Variants in RNF144A observed in about 807,000 individuals in gnomAD.
RNF144A encodes ring finger protein 144A.
Under a neutral mutation model 38.7 loss-of-function variants are expected in RNF144A, and 11 were observed. The ratio of observed to expected loss-of-function variants is 0.28; its 90% confidence interval spans 0.18 to 0.47. RNF144A has a LOEUF of 0.47. Among genes scored for constraint, RNF144A ranks in the 20% least tolerant of loss-of-function variants. The probability of loss-of-function intolerance (pLI) is 0.99; values close to 1 mark genes in which losing one functional copy is unlikely to be tolerated. For synonymous variants in RNF144A, 149 were observed against 143.9 expected (o/e 1.04, Z -0.25); for missense variants, 316 against 377.2 (o/e 0.84, Z 1.34).
At chr2:7,011,282 G>A (rs891914463) in intron 3 of RNF144A, among the ~76,000 whole-genome samples, 11 of 152,182 alleles carry the variant, frequency 7.2e-5, no homozygotes, top group Non-Finnish European at 2.9e-5. Flanking sequence ...GGCACCTAAA[G>A]TCTACTCACT....
rs1434290962 is a variant in RNF144A, at chr2:6,917,680, G to A, written c.-212+58G>A. ...TCGCCCGGGCCGGCCGCGGAGCGGG[G>A]AGGGCGGGACGCGGCGCTGCGCGGC... On this transcript the variant is annotated intron_variant, in intron 1 of 8. Transcript: ENST00000320892. This position sits in a 1 kb window ranked among gnomAD's most constrained non-coding sequence, Gnocchi z 4.8. The A allele has an allele frequency of 6.8e-6, 1 of 148,036 alleles. No individual in the cohort carries two copies. Among genetic ancestry groups the A allele is most frequent in the East Asian group, 2.0e-4 (1 of 5,102 alleles). The allele number at this position is 148,036 out of a possible 1,614,324, so 9.2% of individuals were successfully genotyped here.
At chr2:6,928,941 C>T (rs1665048998) in intron 1 of RNF144A, among the ~76,000 whole-genome samples, 1 of 152,184 alleles carries the variant, frequency 6.6e-6, no homozygotes, top group Non-Finnish European at 1.5e-5. Context: ...CCTGTCAGTT[C>T]CCTGAGCAGC....
chr2:7,075,940 C>T, the RNF144A span, among the ~76,000 whole-genome samples: 1 of 152,204 alleles, frequency 6.6e-6, no homozygotes, highest in Non-Finnish European at 1.5e-5. Flanking sequence ...GTGTTTCTTA[C>T]TGTACTTTGT....
At chr2:6,955,708 G>T (rs1427609396) in intron 2 of RNF144A, among the ~76,000 whole-genome samples, 1 of 152,102 alleles carries the variant, frequency 6.6e-6, no homozygotes, top group Non-Finnish European at 1.5e-5. Context: ...CCTGCTCCTG[G>T]CTTTGTTGGT....
intron 2 of RNF144A, among the ~76,000 whole-genome samples, chr2:6,964,297 A>G (rs1039407752): frequency 6.6e-6 from 1 of 152,208 alleles, no homozygotes; most frequent in South Asian, 2.1e-4. Context: ...TTAGAATGGC[A>G]ATCATTAAAA....
At chr2:7,075,096 T>TGTGGATG in the RNF144A span, among the ~76,000 whole-genome samples, 1 of 152,152 alleles carries the variant, frequency 6.6e-6, no homozygotes, top group Non-Finnish European at 1.5e-5. Flanking sequence ...CAAGGCACAG[T>TGTGGATG]GTGGATGGTG....
In RNF144A at chr2:6,962,224, C is replaced by T. The variant is rs548783200; in HGVS notation, c.-12+21077C>T. Among the ~76,000 whole-genome samples the T allele has an allele frequency of 6.6e-6, 1 of 152,294 alleles. No homozygotes were observed. Among genetic ancestry groups the T allele is most frequent in the East Asian group, 1.9e-4 (1 of 5,184 alleles). On this transcript the variant is annotated intron_variant, in intron 2 of 8. Coordinates refer to ENST00000320892, the MANE Select transcript of RNF144A (RefSeq NM_014746.6). This position sits in a 1 kb window ranked among gnomAD's most constrained non-coding sequence, Gnocchi z 4.1. ...TAGGGCACAAATCTCTGGTAGCCCC[C>T]ACCCTAATGATTTATTATGCAGGCG...
chr2:7,024,897 G>T (rs1185639895), intron 7 of RNF144A, among the ~76,000 whole-genome samples: 1 of 152,056 alleles, frequency 6.6e-6, no homozygotes, highest in Admixed American at 6.5e-5. Flanking sequence ...GGTTCTGGGG[G>T]CTGGAAATCC....
chr2:7,019,830 T>C (rs1406762048), intron 5 of RNF144A, among the ~76,000 whole-genome samples: 1 of 152,228 alleles, frequency 6.6e-6, no homozygotes, highest in Non-Finnish European at 1.5e-5. Flanking sequence ...TTCTTAGAAA[T>C]GTGTGCTGTG....
intron 2 of RNF144A, among the ~76,000 whole-genome samples, chr2:6,954,973 A>AT (rs1436047677): frequency 2.0e-5 from 3 of 152,220 alleles, no homozygotes; most frequent in Non-Finnish European, 4.4e-5. Flanking sequence ...AGATAGTGTT[A>AT]TTTTTAAAAT....
At chr2:7,014,827 A>G in intron 5 of RNF144A, 55 bp downstream of exon 5, 1 of 1,298,136 alleles carries the variant, frequency 7.7e-7, no homozygotes. Flanking sequence ...GAATGTGGAT[A>G]ATTTTGTGGG....
At chr2:6,947,908 T>C (rs1666442077) in intron 2 of RNF144A, among the ~76,000 whole-genome samples, 1 of 152,208 alleles carries the variant, frequency 6.6e-6, no homozygotes, top group South Asian at 2.1e-4. Flanking sequence ...GGATCAGATG[T>C]ATTGAAGGAT....
chr2:7,033,010 C>T (rs1275880548), intron 8 of RNF144A, among the ~76,000 whole-genome samples: 4 of 152,248 alleles, frequency 2.6e-5, no homozygotes, highest in African/African-American at 9.6e-5. Context: ...CTGTTGTGTG[C>T]ACCTTGGCAG....
rs759999673 is a variant in RNF144A, at chr2:7,061,833, A to G, written c.735-6383A>G. ...GCTTATTATGTTCTTTAGATATATT[A>G]TATGATAGACATTACCTATAATATA... On this transcript the variant is annotated intron_variant, in intron 6 of 6. Transcript: ENST00000432850. Among the ~76,000 whole-genome samples the G allele has an allele frequency of 3.2e-4, 48 of 152,248 alleles. 1 individual carries two copies. The highest frequency in any genetic ancestry group is 2.6e-4 in the Admixed American group (4 of 15,288).
At chr2:7,025,722 A>G (rs1277432155) in intron 7 of RNF144A, among the ~76,000 whole-genome samples, 15 of 152,278 alleles carry the variant, frequency 9.9e-5, no homozygotes, top group Middle Eastern at 3.4e-3. Context: ...TAGCAGGCCT[A>G]TTTATCTGTT....
intron 2 of RNF144A, among the ~76,000 whole-genome samples, chr2:6,969,981 C>T (rs1308213240): frequency 3.3e-5 from 5 of 152,046 alleles, no homozygotes; most frequent in African/African-American, 4.8e-5. Flanking sequence ...AGGATGGTCT[C>T]GATCTCCTGA....
At chr2:6,955,421 A>G (rs946779262) in intron 2 of RNF144A, among the ~76,000 whole-genome samples, 3 of 152,158 alleles carry the variant, frequency 2.0e-5, no homozygotes, top group African/African-American at 7.2e-5. Flanking sequence ...CCTTCATATT[A>G]CAGAGGAGGG....
chr2:7,074,768 G>A, the RNF144A span: 1 of 152,326 alleles, frequency 6.6e-6, no homozygotes, highest in African/African-American at 2.4e-5. Flanking sequence ...GAAGAGAAAG[G>A]AAGAAAAAAA....
chr2:7,060,146 CTCTT>C (rs1056913354), intron 6 of RNF144A, among the ~76,000 whole-genome samples: 1 of 152,014 alleles, frequency 6.6e-6, no homozygotes, highest in Non-Finnish European at 1.5e-5. Context: ...ATTGTGTCTC[CTCTT>C]TCTTCTTCAT....
Sources: allele counts gnomAD v4.1 joint callset (sites outside exome capture counted in the v4.1 genomes callset), GRCh38; gene constraint gnomAD v4.1.1; non-coding constraint Gnocchi (gnomAD v3.1); transcripts MANE v1.5; gene names NCBI Gene and HGNC (gene_info 2026-07-23, HGNC 2026-07-21).